The following ATP2C2 variants were observed in gnomAD, a reference collection of about 807,000 sequenced individuals.
ATP2C2 encodes calcium-transporting ATPase type 2C member 2.
Under a neutral mutation model 110.8 loss-of-function variants are expected in ATP2C2, and 171 were observed. The ratio of observed to expected loss-of-function variants is 1.54; its 90% confidence interval spans 1.36 to 1.75. The LOEUF (loss-of-function observed/expected upper bound fraction) is 1.75. Ranked by LOEUF, ATP2C2 falls within the 40% of genes most tolerant of loss-of-function variation. The probability of loss-of-function intolerance (pLI) is 0.00; values close to 1 mark genes in which losing one functional copy is unlikely to be tolerated. For synonymous variants in ATP2C2, 804 were observed against 508.4 expected, an observed-to-expected ratio of 1.58 and a Z score of -7.82; for missense variants, 1,963 against 1,235.0, an observed-to-expected ratio of 1.59 and a Z score of -8.84.
intron 24 of ATP2C2, chr16:84,461,053 G>C (rs1348642324): frequency 6.2e-6 from 3 of 481,960 alleles, no homozygotes; most frequent in Non-Finnish European, 1.1e-5. Flanking sequence ...ACTTTGCCGA[G>C]ACGGGAGTTG....
At chr16:84,416,979 C>CT (rs1906894815) in intron 7 of ATP2C2, among the ~76,000 whole-genome samples, 2 of 152,194 alleles carry the variant, frequency 1.3e-5, no homozygotes, top group Non-Finnish European at 2.9e-5. Context: ...CACAGGTCCG[C>CT]CACAAGGGCT....
Position 84,405,215 on chromosome 16 carries a change from G to C in ATP2C2, c.298G>C (p.Glu100Gln), listed in dbSNP as rs201061113. 152 of 1,614,052 alleles carry C rather than the reference G, an allele frequency of 9.4e-5. 4 individuals carry two copies. In the South Asian group the frequency reaches 1.6e-3, roughly 17 times the overall value. Residue 100 changes from glutamate to glutamine, a missense_variant, in exon 3 of 27, where the codon GAA (glutamate) becomes CAA (glutamine). By Grantham distance (29) the Glu-to-Gln change is conservative (BLOSUM62 2). Transcript: ENST00000262429. ...GAATGAGTTTGTTGCTGACAACAGC[G>C]AACCTGTGTGGAAGAAATACCTGGA... is the stretch of plus-strand genomic sequence containing the variant. ...GWNEFVADNS[E>Q]PVWKKYLDQF...
chr16:84,373,276 G>T (rs1418507354), intron 1 of ATP2C2, among the ~76,000 whole-genome samples: 6 of 152,234 alleles, frequency 3.9e-5, no homozygotes, highest in Admixed American at 3.3e-4. Context: ...GAGGCAGGCG[G>T]ATCACCTGAG....
At chr16:84,441,684 G>A (rs1165445910) in intron 14 of ATP2C2, among the ~76,000 whole-genome samples, 4 of 152,236 alleles carry the variant, frequency 2.6e-5, no homozygotes, top group African/African-American at 9.6e-5. Context: ...ACTTTGGGAG[G>A]CCAAGGCGGG....
rs113623854 is a variant in ATP2C2, at chr16:84,455,070, A to AAG, written c.2147+86_2147+87insAG. On this transcript the variant is annotated intron_variant, in intron 21 of 26. Coordinates refer to ENST00000262429, the MANE Select transcript of ATP2C2 (RefSeq NM_014861.4). ...CTGGAACCTGCTACTGTGGAGATAG[A>AAG]GGGGGGGGTCTCGCGGAGTCCCCAG... 9.8e-5 allele frequency: 117 copies of AAG among 1,199,574 alleles called. 1 individual carries two copies. The Admixed American group carries it at 2.2e-3, about 23-fold the overall frequency. The allele number at this position is 1,199,574 out of a possible 1,614,324, so 74.3% of individuals were successfully genotyped here.
intron 13 of ATP2C2, 90 bp downstream of exon 13, chr16:84,439,614 C>T: frequency 8.2e-7 from 1 of 1,226,818 alleles, no homozygotes; most frequent in Non-Finnish European, 1.2e-6. Context: ...TTCTAGAACA[C>T]AATAAGGAAG....
chr16:84,407,826 C>A (rs527386901), intron 3 of ATP2C2, among the ~76,000 whole-genome samples: 23 of 152,240 alleles, frequency 1.5e-4, no homozygotes, highest in Admixed American at 1.5e-3. Flanking sequence ...CCTTCTGAAT[C>A]CGGTTTTATG....
chr16:84,434,944 C>T (rs1334121062), intron 11 of ATP2C2, among the ~76,000 whole-genome samples: 1 of 152,216 alleles, frequency 6.6e-6, no homozygotes, highest in Admixed American at 6.5e-5. Context: ...CAAATGTTTG[C>T]TTAGCTGGTC....
chr16:84,450,107 G>A lies in ATP2C2; in HGVS notation c.1660+1418G>A, dbSNP rs151206439. 4.2e-3 allele frequency among the ~76,000 whole-genome samples: 637 copies of A among 152,376 alleles called. 5 individuals are homozygous for A. Among genetic ancestry groups the A allele is most frequent in the African/African-American group, 0.013 (552 of 41,586 alleles). The stretch of plus-strand genomic sequence containing the variant: ...CCTTGCGGGAGAGCGTAATGAGAAC[G>A]GGTCAGTGGCGGAGGAGCAGTGAGA... On this transcript the variant is annotated intron_variant, in intron 17 of 26. Transcript: ENST00000262429.
intron 6 of ATP2C2, 111 bp downstream of exon 6, chr16:84,410,876 A>C: frequency 9.3e-7 from 1 of 1,073,246 alleles, no homozygotes. Flanking sequence ...GGACAAGAGA[A>C]CCACATCTCA....
At chr16:84,431,265 G>C (rs1270724158) in intron 11 of ATP2C2, among the ~76,000 whole-genome samples, 1 of 152,122 alleles carries the variant, frequency 6.6e-6, no homozygotes, top group African/African-American at 2.4e-5. Context: ...TTGGGACTCT[G>C]AGGTGGGCAG....
chr16:84,376,990 C>G (rs1910287116), intron 1 of ATP2C2, among the ~76,000 whole-genome samples: 1 of 152,224 alleles, frequency 6.6e-6, no homozygotes, highest in African/African-American at 2.4e-5. Flanking sequence ...TAATCTGGAT[C>G]TGTGGACGCT....
chr16:84,439,045 G>A, intron 11 of ATP2C2, 121 bp from the exon 12 acceptor site: 1 of 1,435,634 alleles, frequency 7.0e-7, no homozygotes, highest in East Asian at 2.3e-5. Flanking sequence ...ATGGAGACTA[G>A]AACCAGGACA....
intron 6 of ATP2C2, among the ~76,000 whole-genome samples, chr16:84,411,340 T>A (rs956002996): frequency 1.6e-4 from 25 of 152,232 alleles, no homozygotes; most frequent in African/African-American, 5.8e-4. Context: ...TGTCTGCCAG[T>A]ACCACATGGC....
chr16:84,391,556 C>T (rs910710719), intron 1 of ATP2C2, among the ~76,000 whole-genome samples: 3 of 152,132 alleles, frequency 2.0e-5, no homozygotes, highest in Admixed American at 6.5e-5. Context: ...CAGACAGAGA[C>T]GCTTGGGAAT....
At chr16:84,428,495 C>G (rs563606495) in intron 11 of ATP2C2, among the ~76,000 whole-genome samples, 1 of 152,128 alleles carries the variant, frequency 6.6e-6, no homozygotes, top group African/African-American at 2.4e-5. Flanking sequence ...TACTTTGTCA[C>G]TCAGTGTATT....
At chr16:84,389,794 C>T (rs914097807) in intron 1 of ATP2C2, among the ~76,000 whole-genome samples, 1 of 150,068 alleles carries the variant, frequency 6.7e-6, no homozygotes, top group African/African-American at 2.5e-5. Flanking sequence ...TATCTCCGCT[C>T]ACTTCAACCT....
chr16:84,451,987 A>G lies in ATP2C2; in HGVS notation c.1727A>G (p.Asp576Gly). The G allele has an allele frequency of 6.2e-7, 1 of 1,612,956 alleles. No homozygotes were observed. The highest frequency in any genetic ancestry group is 8.5e-7 in the Non-Finnish European group (1 of 1,179,744). Reference sequence around the variant, plus strand: ...TTTCTCGGTCTTGTGGGCATCATTGACCCCCCGAGAGTTGGCGTGAAGGAA... The same window carrying G: ...TTTCTCGGTCTTGTGGGCATCATTGGCCCCCCGAGAGTTGGCGTGAAGGAA... ...LTFLGLVGII[D>G]PPRVGVKEAV... The change falls in exon 18 of 27, where the codon GAC becomes GGC. Residue 576 changes from aspartate to glycine, a missense_variant. Asp to Gly is a moderately conservative substitution (Grantham distance 94). Coordinates refer to ENST00000262429, the MANE Select transcript of ATP2C2 (RefSeq NM_014861.4).
chr16:84,453,357 C>G lies in ATP2C2; in HGVS notation c.1966C>G (p.Leu656Val), dbSNP rs565840111. Reference sequence around the variant, plus strand: ...CTTCAGGACCAGCCCAAAGCACAAGCTCAAAATCATCAAGGTTCGCTGGGC... The same window carrying G: ...CTTCAGGACCAGCCCAAAGCACAAGGTCAAAATCATCAAGGTTCGCTGGGC... ...VFFRTSPKHK[L>V]KIIKALQESG... The change falls in exon 20 of 27, where the codon CTC becomes GTC. Residue 656 changes from leucine to valine, a missense_variant. Physicochemically the swap from Leu to Val is conservative, Grantham distance 32. Transcript: ENST00000262429. 18 of 1,614,200 alleles carry G rather than the reference C, an allele frequency of 1.1e-5. No homozygotes were observed. The Middle Eastern group carries it at 4.9e-4, about 44-fold the overall frequency.
Sources: allele counts gnomAD v4.1 joint callset (sites outside exome capture counted in the v4.1 genomes callset), GRCh38; gene constraint gnomAD v4.1.1; transcripts MANE v1.5; gene names NCBI Gene and HGNC (gene_info 2026-07-23, HGNC 2026-07-21).